The following SLC16A6 variants were observed in gnomAD, a reference collection of about 807,000 sequenced individuals.
SLC16A6 encodes the protein solute carrier family 16 member 6.
SLC16A6 carries 15 observed loss-of-function variants against 33.8 expected under a neutral mutation model. The observed-to-expected ratio is 0.44, with a 90% confidence interval of 0.30 to 0.68. The LOEUF (loss-of-function observed/expected upper bound fraction) is 0.68, where lower values mean the gene tolerates loss of function less well. Ranked by LOEUF, SLC16A6 falls within the 30% of genes least tolerant of loss-of-function variation. The pLI is 0.10. For synonymous variants in SLC16A6, 219 were observed against 248.4 expected (o/e 0.88, Z 1.11); for missense variants, 451 against 661.5 (o/e 0.68, Z 3.49).
intron 1 of SLC16A6, among the ~76,000 whole-genome samples, chr17:68,288,971 C>G (rs1568421386): frequency 6.6e-6 from 1 of 152,196 alleles, no homozygotes; most frequent in Non-Finnish European, 1.5e-5. Context: ...CCCTAGTGTT[C>G]TTCTGGAGGA....
intron 2 of SLC16A6, 135 bp from the exon 3 acceptor site, chr17:68,274,205 C>G: frequency 1.1e-6 from 1 of 883,682 alleles, no homozygotes; most frequent in Non-Finnish European, 1.7e-6. Flanking sequence ...GTGGCTCATG[C>G]CTGTAATCCC....
intron 1 of SLC16A6, among the ~76,000 whole-genome samples, chr17:68,289,494 C>T (rs1225539943): frequency 6.6e-6 from 1 of 152,172 alleles, no homozygotes; most frequent in Non-Finnish European, 1.5e-5. Context: ...AATGGGGTGG[C>T]TACTGTTGTA....
chr17:68,277,903 T>C (rs2075575836), intron 2 of SLC16A6, among the ~76,000 whole-genome samples, 186 bp downstream of exon 2: 1 of 152,226 alleles, frequency 6.6e-6, no homozygotes, highest in Non-Finnish European at 1.5e-5. Context: ...AGGCTTTTTT[T>C]CTTCAGTGCC....
At chr17:68,286,311 T>C (rs1315370256) in intron 1 of SLC16A6, among the ~76,000 whole-genome samples, 2 of 152,152 alleles carry the variant, frequency 1.3e-5, no homozygotes, top group African/African-American at 4.8e-5. Context: ...TGAATAGAGT[T>C]AGAATTATTG....
At chr17:68,282,779 TAAA>T (rs36155626) in intron 1 of SLC16A6, among the ~76,000 whole-genome samples, 974 of 53,396 alleles carry the variant, frequency 0.018, 35 homozygotes, top group African/African-American at 0.084. Flanking sequence ...CCATCTCTAC[TAAA>T]AAAAAAAAAA....
At chr17:68,269,873 A>G (rs1291176718) in intron 5 of SLC16A6, among the ~76,000 whole-genome samples, 1 of 151,784 alleles carries the variant, frequency 6.6e-6, no homozygotes, top group Non-Finnish European at 1.5e-5. Context: ...GGGTTTTGCC[A>G]TGTTGGCCAG....
rs139961659 is a variant in SLC16A6, at chr17:68,271,631, T to C, written c.529A>G (p.Ile177Val). The C allele has an allele frequency of 4.3e-6, 7 of 1,613,212 alleles. No homozygotes were observed. The African/African-American group carries it at 9.3e-5, about 22-fold the overall frequency. Residue 177 changes from isoleucine (I) to valine (V), a missense_variant, in exon 5 of 6, where the codon ATT becomes GTT. Physicochemically the swap from Ile to Val is conservative, Grantham distance 29 (BLOSUM62 3). Coordinates refer to ENST00000580666, the MANE Select transcript of SLC16A6 (RefSeq NM_004694.5). This position sits in a 1 kb window ranked among gnomAD's most constrained non-coding sequence, Gnocchi z 5.3. Reference sequence around the variant, plus strand: ...AAGAGGAGGCTGTATCTCCAGCCAATGCGCTCCTTCAGAGCCATGATTGCT... The same window carrying C: ...AAGAGGAGGCTGTATCTCCAGCCAACGCGCTCCTTCAGAGCCATGATTGCT... ...APAIMALKER[I>V]GWRYSLLFVG...
At chr17:68,287,331 T>C (rs557522955) in intron 1 of SLC16A6, among the ~76,000 whole-genome samples, 82 of 152,036 alleles carry the variant, frequency 5.4e-4, no homozygotes, top group African/African-American at 1.7e-3. Context: ...TCTTCTTCTT[T>C]TTTTTTTTAA....
Position 68,279,205 on chromosome 17 carries a change from C to T in SLC16A6, c.-7-878G>A, listed in dbSNP as rs187150265. On this transcript the variant is annotated intron_variant, in intron 1 of 5. Transcript: ENST00000580666. ...TTGATCAGAAATGAAGCCTAGAAAACGGAGGCTGAAAAGCAAACATTGGCG... is the reference window on the plus strand; with the variant it reads ...TTGATCAGAAATGAAGCCTAGAAAATGGAGGCTGAAAAGCAAACATTGGCG... Among the ~76,000 whole-genome samples, 221 of 152,174 alleles carry T rather than the reference C, an allele frequency of 1.5e-3. 1 individual carries two copies. Among genetic ancestry groups the T allele is most frequent in the Non-Finnish European group, 2.5e-3 (173 of 68,020 alleles).
intron 1 of SLC16A6, among the ~76,000 whole-genome samples, chr17:68,284,799 A>G (rs1313780687): frequency 1.3e-5 from 2 of 152,218 alleles, no homozygotes; most frequent in Admixed American, 6.5e-5. Context: ...GTTGATTAAA[A>G]TAAGGCATAA....
At chr17:68,281,296 C>CG (rs147922141) in intron 1 of SLC16A6, among the ~76,000 whole-genome samples, 5,301 of 152,084 alleles carry the variant, frequency 0.035, 148 homozygotes, top group Middle Eastern at 0.085. Context: ...AGGCTGGTGG[C>CG]GGTGGCTCAC....
intron 2 of SLC16A6, among the ~76,000 whole-genome samples, chr17:68,275,514 T>TAATA: frequency 6.6e-6 from 1 of 152,350 alleles, no homozygotes; most frequent in East Asian, 1.9e-4. Flanking sequence ...TCTTCTGGTA[T>TAATA]AATAGTATTA....
intron 1 of SLC16A6, among the ~76,000 whole-genome samples, chr17:68,286,457 T>C (rs563971409): frequency 1.3e-5 from 2 of 152,344 alleles, no homozygotes; most frequent in South Asian, 4.1e-4. Context: ...ATACTGAATC[T>C]CCTGCCTTCC....
chr17:68,290,331 A>G (rs1264325414), intron 1 of SLC16A6, among the ~76,000 whole-genome samples: 3 of 152,232 alleles, frequency 2.0e-5, no homozygotes, highest in Admixed American at 6.5e-5. Flanking sequence ...TGGGGGGAAT[A>G]AAAAGAAAAG....
In SLC16A6 at chr17:68,271,705, C is replaced by G; in HGVS notation, c.506-51G>C. 2 of 1,453,502 alleles carry G rather than the reference C, an allele frequency of 1.4e-6. No individual in the cohort carries two copies. Among genetic ancestry groups the G allele is most frequent in the African/African-American group, 1.4e-5 (1 of 70,828 alleles). 90.0% of individuals were successfully genotyped at this position (1,453,502 alleles called of 1,614,324 possible). On this transcript the variant is annotated intron_variant, in intron 4 of 5. Transcript: ENST00000580666. The surrounding 1 kb of genome is among the most constrained non-coding windows in gnomAD (Gnocchi z 5.3). ...AATAATATAAGGTCAATAATGGACTCAAGACCCAGGAGAAGCCATCAAGAA... is the reference window on the plus strand; with the variant it reads ...AATAATATAAGGTCAATAATGGACTGAAGACCCAGGAGAAGCCATCAAGAA...
At chr17:68,272,319 C>T (rs12940934) in intron 4 of SLC16A6, among the ~76,000 whole-genome samples, 1 of 152,118 alleles carries the variant, frequency 6.6e-6, no homozygotes, top group African/African-American at 2.4e-5. Flanking sequence ...TTGAATGTAG[C>T]TCTTTTGAAA....
At chr17:68,279,934 C>T (rs191031946) in intron 1 of SLC16A6, among the ~76,000 whole-genome samples, 3 of 152,264 alleles carry the variant, frequency 2.0e-5, no homozygotes, top group Admixed American at 2.0e-4. Flanking sequence ...GTAATCCCAG[C>T]ACTTTGGGAG....
intron 3 of SLC16A6, 49 bp downstream of exon 3, chr17:68,273,878 C>A: frequency 6.3e-7 from 1 of 1,587,456 alleles, no homozygotes. Context: ...CTTCCTTGTT[C>A]TTCAAACTAA....
Position 68,274,027 on chromosome 17 carries a change from C to A in SLC16A6, c.276G>T (p.Leu92=). The A allele has an allele frequency of 6.2e-7, 1 of 1,614,150 alleles. No individual in the cohort carries two copies. The highest frequency in any genetic ancestry group is 8.5e-7 in the Non-Finnish European group (1 of 1,180,030). ...CAAGTAGCCCCCCCAACATCACTAC[C>A]AGACGGTGTCCGAAACGATTGCTCA... ...TVLSNRFGHR[L]VVMLGGLLVS... is the part of the protein sequence containing the mutation. Residue 92 remains leucine, a synonymous_variant, in exon 3 of 6, where the codon CTG becomes CTT. Coordinates refer to ENST00000580666, the MANE Select transcript of SLC16A6 (RefSeq NM_004694.5).
Sources: allele counts gnomAD v4.1 joint callset (sites outside exome capture counted in the v4.1 genomes callset), GRCh38; gene constraint gnomAD v4.1.1; non-coding constraint Gnocchi (gnomAD v3.1); transcripts MANE v1.5; gene names NCBI Gene and HGNC (gene_info 2026-07-23, HGNC 2026-07-21).